Variants in TENT4A observed in about 807,000 individuals in gnomAD.
TENT4A encodes the protein terminal nucleotidyltransferase 4A, also known as DNA polymerase kappa.
In TENT4A, 7 loss-of-function variants were observed where a neutral mutation model predicts 72.8. That is an observed-to-expected ratio of 0.10 (90% CI 0.05 to 0.18). The LOEUF is 0.18. Among genes scored for constraint, TENT4A ranks in the 10% least tolerant of loss-of-function variants. The pLI, the probability that TENT4A is intolerant of heterozygous loss-of-function variation, is 1.00. For missense variants in TENT4A, 831 were observed against 1,017.7 expected (o/e 0.82, Z 2.50); for synonymous variants, 456 against 434.3 (o/e 1.05, Z -0.62).
intron 10 of TENT4A, 95 bp from the exon 11 acceptor site, chr5:6,750,944 G>A (rs1192402299): frequency 2.9e-6 from 4 of 1,364,304 alleles, no homozygotes; most frequent in Non-Finnish European, 4.1e-6. Context: ...TTCATAGCCA[G>A]CCTGGATGCA....
intron 4 of TENT4A, among the ~76,000 whole-genome samples, chr5:6,741,260 T>C (rs748288634): frequency 2.6e-5 from 4 of 152,194 alleles, no homozygotes; most frequent in African/African-American, 4.8e-5. Flanking sequence ...TGGGGAGCAC[T>C]GTGCAGCCGG....
At chr5:6,732,614 G>A (rs1354468318) in intron 1 of TENT4A, among the ~76,000 whole-genome samples, 1 of 151,918 alleles carries the variant, frequency 6.6e-6, no homozygotes, top group Non-Finnish European at 1.5e-5. Flanking sequence ...GATTGTAAAC[G>A]AGAGTGATCT....
chr5:6,737,909 G>GTTTTTTTT (rs374682397), intron 2 of TENT4A, among the ~76,000 whole-genome samples: 1 of 129,096 alleles, frequency 7.7e-6, no homozygotes. Flanking sequence ...GATTTGTTGG[G>GTTTTTTTT]TTTTTTTTTT....
At chr5:6,746,085 G>A in intron 6 of TENT4A, 129 bp from the exon 7 acceptor site, 1 of 1,535,958 alleles carries the variant, frequency 6.5e-7, no homozygotes, top group Non-Finnish European at 8.7e-7. Context: ...TCGTGGTGCT[G>A]GTGAGTGAGC....
chr5:6,733,888 G>A (rs555607463), intron 1 of TENT4A, among the ~76,000 whole-genome samples: 20 of 152,248 alleles, frequency 1.3e-4, no homozygotes, highest in South Asian at 1.0e-3. Context: ...TATTGAATGA[G>A]ATAATCCAAA....
At chr5:6,722,827 T>A (rs1740727447) in intron 1 of TENT4A, among the ~76,000 whole-genome samples, 1 of 152,200 alleles carries the variant, frequency 6.6e-6, no homozygotes, top group Non-Finnish European at 1.5e-5. Context: ...CAGGGAACAT[T>A]AAGTAGGCAA....
chr5:6,719,517 C>G (rs2126596137), intron 1 of TENT4A, among the ~76,000 whole-genome samples: 1 of 152,310 alleles, frequency 6.6e-6, no homozygotes, highest in African/African-American at 2.4e-5. Context: ...TGAAGAGGCC[C>G]TTTCTAGGAG....
rs117096941 is a variant in TENT4A, at chr5:6,717,014, C to T, written c.716+2315C>T. Among the ~76,000 whole-genome samples, 55 of 152,338 alleles carry T rather than the reference C, an allele frequency of 3.6e-4. No individual in the cohort carries two copies. In the East Asian group the frequency reaches 0.01, roughly 29 times the overall value. ...GTGACCTCTGCTTGGGCTGCTATTC[C>T]AGCTACTCTTTCAGAAGCAAACCTA... On this transcript the variant is annotated intron_variant, in intron 1 of 12. Transcript: ENST00000230859.
intron 1 of TENT4A, among the ~76,000 whole-genome samples, chr5:6,727,555 A>ACCTGGGGG: frequency 6.6e-6 from 1 of 151,976 alleles, no homozygotes; most frequent in Non-Finnish European, 1.5e-5. Context: ...AGTCCATCCC[A>ACCTGGGGG]CCTGGGGGCC....
rs1232256578 is a variant in TENT4A, at chr5:6,714,013, C to T, written c.30C>T (p.Pro10=). The part of the protein sequence containing the change: MDPRVAWIQ[P]EQKGPANALW... ...ATCCGCGCGTGGCCTGGATCCAGCC[C>T]GAGCAGAAGGGGCCGGCCAATGCCC... The change falls in exon 1 of 13, where the codon CCC becomes CCT. Residue 10 remains proline, a synonymous_variant. Transcript: ENST00000230859. 4.1e-6 allele frequency: 4 copies of T among 983,534 alleles called. No individual in the cohort carries two copies. The highest frequency in any genetic ancestry group is 2.2e-4 in the East Asian group (2 of 9,068). 60.9% of individuals were successfully genotyped at this position (983,534 alleles called of 1,614,324 possible). A position where few individuals can be genotyped will look rare whatever the true frequency, so the allele number is the denominator to read the frequency against.
In TENT4A at chr5:6,714,336, A is replaced by G; in HGVS notation, c.353A>G (p.Asn118Ser). Residue 118 changes from asparagine to serine, a missense_variant, in exon 1 of 13, where the codon AAC (asparagine) becomes AGC (serine). By Grantham distance (46) the Asn-to-Ser change is conservative. Around this residue, in one of 3 missense-constraint regions of TENT4A, gnomAD observed 302 missense variants for 293.8 expected, o/e 1.03. Transcript: ENST00000230859. ...TCCTCGTCGTCGTCCTCCTCGTCCAACGCGGAGTCGGGCACCGAGAGCCCC... is the reference window on the plus strand; with the variant it reads ...TCCTCGTCGTCGTCCTCCTCGTCCAGCGCGGAGTCGGGCACCGAGAGCCCC... ...LSSSSSSSSS[N>S]AESGTESPGC... The G allele has an allele frequency of 8.9e-7, 1 of 1,127,010 alleles. No homozygotes were observed. Among genetic ancestry groups the G allele is most frequent in the Admixed American group, 5.0e-5 (1 of 20,168 alleles). The allele number at this position is 1,127,010 out of a possible 1,614,324, so 69.8% of individuals were successfully genotyped here. A position where few individuals can be genotyped will look rare whatever the true frequency, so the allele number is the denominator to read the frequency against.
chr5:6,750,655 G>T, intron 10 of TENT4A, 152 bp downstream of exon 10: 1 of 656,298 alleles, frequency 1.5e-6, no homozygotes, highest in Non-Finnish European at 2.5e-6. Flanking sequence ...GCCCCGTGAT[G>T]TGGGCACCAG....
chr5:6,715,153 A>C (rs1049253854), intron 1 of TENT4A: 1 of 152,326 alleles, frequency 6.6e-6, no homozygotes, highest in African/African-American at 2.4e-5. Flanking sequence ...CATTTTTTAA[A>C]AAAATTTAAC....
rs746472114 is a variant in TENT4A at position 6,750,355 on chromosome 5, G to A, written c.1712G>A (p.Arg571Gln). The A allele has an allele frequency of 9.9e-6, 16 of 1,611,902 alleles. No individual in the cohort carries two copies. The highest frequency in any genetic ancestry group is 4.4e-5 in the South Asian group (4 of 90,848). The change falls in exon 10 of 13, where the codon CGA (arginine) becomes CAA (glutamine). Residue 571 changes from arginine (R) to glutamine (Q), a missense_variant. Physicochemically the swap from Arg to Gln is conservative, Grantham distance 43. Coordinates refer to ENST00000230859, the MANE Select transcript of TENT4A (RefSeq NM_006999.6). The stretch of plus-strand genomic sequence containing the variant: ...GACAGCAGGATCAAGATCAAAGAGC[G>A]AATAGCCACATGCAATGGGGAGCAG... ...GMDSRIKIKE[R>Q]IATCNGEQTQ...
At position 6,751,166 on chromosome 5, in the gene TENT4A, C is replaced by G; in HGVS notation, c.1988C>G (p.Ser663Cys). 1 of 1,614,246 alleles carries G rather than the reference C, an allele frequency of 6.2e-7. No homozygotes were observed. The highest frequency in any genetic ancestry group is 1.1e-5 in the South Asian group (1 of 91,086). Reference protein sequence around the residue: ...MPSGKPQPTTSRTLIMTTNNQ... With the variant: ...MPSGKPQPTTCRTLIMTTNNQ... ...AGTGGCAAACCTCAGCCCACCACTTCCAGAACACTGATCATGACAACCAAC... is the reference window on the plus strand; with the variant it reads ...AGTGGCAAACCTCAGCCCACCACTTGCAGAACACTGATCATGACAACCAAC... The change falls in exon 11 of 13, where the codon TCC becomes TGC. Residue 663 changes from serine to cysteine, a missense_variant. Transcript: ENST00000230859.
Position 6,713,970 on chromosome 5 carries a change from G to A in TENT4A, c.-14G>A, listed in dbSNP as rs1740227827. 2.1e-6 allele frequency: 2 copies of A among 969,874 alleles called. No individual in the cohort carries two copies. Among genetic ancestry groups the A allele is most frequent in the Non-Finnish European group, 2.4e-6 (2 of 818,596 alleles). The allele number at this position is 969,874 out of a possible 1,614,324, so 60.1% of individuals were successfully genotyped here. A position where few individuals can be genotyped will look rare whatever the true frequency, so the allele number is the denominator to read the frequency against. On this transcript the variant is annotated 5_prime_UTR_variant, in exon 1 of 13. Coordinates refer to ENST00000230859, the MANE Select transcript of TENT4A (RefSeq NM_006999.6). ...GGCGGGCGGGCGCGCGGGCCCCGCGGGGGCGGCGCGTGGATGGATCCGCGC... is the reference window on the plus strand; with the variant it reads ...GGCGGGCGGGCGCGCGGGCCCCGCGAGGGCGGCGCGTGGATGGATCCGCGC...
rs945000267 is a variant in TENT4A at position 6,755,857 on chromosome 5, A to G, written c.*912A>G. 5 of 152,380 alleles carry G rather than the reference A, an allele frequency of 3.3e-5. No homozygotes were observed. The South Asian group carries it at 1.0e-3, about 32-fold the overall frequency. The allele number at this position is 152,380 out of a possible 1,614,324, so 9.4% of individuals were successfully genotyped here. A position where few individuals can be genotyped will look rare whatever the true frequency, so the allele number is the denominator to read the frequency against. On this transcript the variant is annotated 3_prime_UTR_variant, in exon 13 of 13. Transcript: ENST00000230859. ...TCAAGTGCCAGAAGTATAACTTTCTAAGGAGAGAAGGGTTGTCACATTATA... is the reference window on the plus strand; with the variant it reads ...TCAAGTGCCAGAAGTATAACTTTCTGAGGAGAGAAGGGTTGTCACATTATA...
intron 1 of TENT4A, among the ~76,000 whole-genome samples, chr5:6,732,478 C>T (rs1419344442): frequency 6.6e-6 from 1 of 152,202 alleles, no homozygotes; most frequent in African/African-American, 2.4e-5. Context: ...CAAGCATATA[C>T]CAGATACTAA....
At chr5:6,723,659 A>G (rs1431637018) in intron 1 of TENT4A, among the ~76,000 whole-genome samples, 1 of 152,194 alleles carries the variant, frequency 6.6e-6, no homozygotes, top group Non-Finnish European at 1.5e-5. Context: ...CTCATTCTAC[A>G]AACATGGTTC....
Sources: allele counts gnomAD v4.1 joint callset (sites outside exome capture counted in the v4.1 genomes callset), GRCh38; gene constraint gnomAD v4.1.1; regional missense constraint gnomAD v4.1.1; transcripts MANE v1.5; gene names NCBI Gene and HGNC (gene_info 2026-07-23, HGNC 2026-07-21).